The following LNPEP variants were observed in gnomAD, a reference collection of about 807,000 sequenced individuals.
The protein encoded by LNPEP is leucyl-cystinyl aminopeptidase.
LNPEP carries 64 observed loss-of-function variants against 120.6 expected under a neutral mutation model. The ratio of observed to expected loss-of-function variants is 0.53; its 90% confidence interval spans 0.43 to 0.65. The LOEUF is 0.65. Ranked by LOEUF, LNPEP falls within the 30% of genes least tolerant of loss-of-function variation. The pLI, the probability that LNPEP is intolerant of heterozygous loss-of-function variation, is 0.00. For missense variants in LNPEP, 1,057 were observed against 1,200.0 expected (o/e 0.88, Z 1.76); for synonymous variants, 435 against 425.4 (o/e 1.02, Z -0.28).
intron 1 of LNPEP, among the ~76,000 whole-genome samples, chr5:96,940,425 G>T (rs1789023681): frequency 6.6e-6 from 1 of 150,974 alleles, no homozygotes; most frequent in Admixed American, 6.6e-5. Flanking sequence ...TAGATTTTCT[G>T]CTAGACACAG....
At chr5:97,026,548 T>C (rs920017331) in intron 15 of LNPEP, 69 bp from the exon 16 acceptor site, 7 of 1,269,796 alleles carry the variant, frequency 5.5e-6, no homozygotes, top group Non-Finnish European at 7.9e-6. Context: ...ATACTAATTT[T>C]AATTTAAGTT....
chr5:96,992,896 A>G (rs374186960), intron 4 of LNPEP, 119 bp from the exon 5 acceptor site: 4 of 682,954 alleles, frequency 5.9e-6, no homozygotes, highest in Non-Finnish European at 9.4e-6. Context: ...GTTTCTATCC[A>G]GAAGGATCTC....
chr5:96,999,449 G>A (rs1490899514), intron 8 of LNPEP, among the ~76,000 whole-genome samples: 2 of 152,116 alleles, frequency 1.3e-5, no homozygotes, highest in Non-Finnish European at 2.9e-5. Flanking sequence ...TTATTGTACA[G>A]GTACTATTAA....
At chr5:96,983,690 G>A (rs766423900) in intron 2 of LNPEP, among the ~76,000 whole-genome samples, 7 of 152,028 alleles carry the variant, frequency 4.6e-5, no homozygotes, top group African/African-American at 1.2e-4. Context: ...CAAGTGATCC[G>A]CCCACCTTGG....
chr5:97,016,154 A>AT (rs1481562532), intron 13 of LNPEP, among the ~76,000 whole-genome samples: 1 of 152,114 alleles, frequency 6.6e-6, no homozygotes, highest in African/African-American at 2.4e-5. Flanking sequence ...CCTATCCATA[A>AT]GCAAGATGCT....
At chr5:96,989,330 T>TTATA (rs1561443050) in intron 4 of LNPEP, among the ~76,000 whole-genome samples, 2 of 21,450 alleles carry the variant, frequency 9.3e-5, no homozygotes, top group African/African-American at 3.6e-4. Flanking sequence ...TAATATATAA[T>TTATA]TATATATAAT....
At chr5:96,984,062 C>T (rs559521621) in intron 2 of LNPEP, among the ~76,000 whole-genome samples, 2 of 152,284 alleles carry the variant, frequency 1.3e-5, no homozygotes, top group African/African-American at 4.8e-5. Flanking sequence ...TGGACAGCCA[C>T]CCCCAGTTTC....
intron 2 of LNPEP, 146 bp downstream of exon 2, chr5:96,980,124 A>G: frequency 2.7e-6 from 2 of 736,958 alleles, no homozygotes; most frequent in Non-Finnish European, 4.3e-6. Context: ...GTGATTTAGA[A>G]CAATATATTA....
intron 13 of LNPEP, among the ~76,000 whole-genome samples, chr5:97,020,410 C>T (rs1368503607): frequency 2.0e-5 from 3 of 152,158 alleles, no homozygotes; most frequent in Non-Finnish European, 4.4e-5. Context: ...GAAGTACCAG[C>T]AGGAAGAAAT....
At chr5:97,016,364 C>T (rs18059) in intron 13 of LNPEP, among the ~76,000 whole-genome samples, 78,396 of 151,864 alleles carry the variant, frequency 0.52, 20,451 homozygotes, top group East Asian at 0.62. Flanking sequence ...TTTTACACAC[C>T]GTGCTTAGTG....
intron 1 of LNPEP, among the ~76,000 whole-genome samples, chr5:96,948,121 T>C (rs1231643920): frequency 7.6e-6 from 1 of 132,246 alleles, no homozygotes; most frequent in African/African-American, 2.6e-5. Flanking sequence ...CAAATTTCTC[T>C]TTTTTTTTTT....
At chr5:97,004,742 G>A (rs1790738022) in intron 9 of LNPEP, among the ~76,000 whole-genome samples, 1 of 152,090 alleles carries the variant, frequency 6.6e-6, no homozygotes, top group African/African-American at 2.4e-5. Flanking sequence ...TTGCCCAGAA[G>A]ATATACCTTC....
chr5:97,026,112 C>A (rs948108161), intron 15 of LNPEP, among the ~76,000 whole-genome samples: 2 of 152,060 alleles, frequency 1.3e-5, no homozygotes, highest in African/African-American at 2.4e-5. Context: ...TTAATAAATA[C>A]CTACTTTATA....
rs1791297777 is a variant in LNPEP at position 97,024,697 on chromosome 5, A to C, written c.2723+15A>C. 1.9e-6 allele frequency: 3 copies of C among 1,609,350 alleles called. No homozygotes were observed. The South Asian group carries it at 3.3e-5, about 18-fold the overall frequency. Reference sequence around the variant, plus strand: ...AAGCTTTACTGGTATGAAATCACCGAGGAATATGATATACAGAAACCAAAA... The same window carrying C: ...AAGCTTTACTGGTATGAAATCACCGCGGAATATGATATACAGAAACCAAAA... On this transcript the variant is annotated intron_variant, in intron 15 of 17. Transcript: ENST00000231368.
chr5:96,962,554 A>G (rs1789629275), intron 1 of LNPEP: 1 of 152,192 alleles, frequency 6.6e-6, no homozygotes, highest in Non-Finnish European at 1.5e-5. Flanking sequence ...GAGCTTGGAA[A>G]GATGAAGTAA....
At chr5:96,956,156 G>T (rs1380058353) in intron 1 of LNPEP, among the ~76,000 whole-genome samples, 1 of 151,998 alleles carries the variant, frequency 6.6e-6, no homozygotes, top group Non-Finnish European at 1.5e-5. Context: ...CTTAGTGAGT[G>T]GTAAGAATAC....
intron 1 of LNPEP, among the ~76,000 whole-genome samples, chr5:96,957,414 T>C (rs1035539107): frequency 4.6e-5 from 7 of 152,172 alleles, no homozygotes; most frequent in African/African-American, 1.7e-4. Context: ...CTTGGTAATA[T>C]TTTAGGTTAC....
intron 2 of LNPEP, among the ~76,000 whole-genome samples, chr5:96,984,170 A>T (rs1790188222): frequency 6.6e-6 from 1 of 152,128 alleles, no homozygotes; most frequent in Non-Finnish European, 1.5e-5. Flanking sequence ...CTGGGAAGAG[A>T]CTTTTTATTT....
chr5:96,999,271 T>G (rs991933080), intron 8 of LNPEP, among the ~76,000 whole-genome samples: 2 of 152,182 alleles, frequency 1.3e-5, no homozygotes, highest in East Asian at 3.9e-4. Flanking sequence ...AGTCCAGGCA[T>G]GAAATGGTAA....
Sources: allele counts gnomAD v4.1 joint callset (sites outside exome capture counted in the v4.1 genomes callset), GRCh38; gene constraint gnomAD v4.1.1; transcripts MANE v1.5; gene names NCBI Gene and HGNC (gene_info 2026-07-23, HGNC 2026-07-21).